Variants in ACTG2 observed in about 807,000 individuals in gnomAD.
The protein encoded by ACTG2 is actin gamma 2, smooth muscle, also known as actin, gamma-enteric smooth muscle.
A neutral mutation model predicts 37.6 loss-of-function variants in ACTG2; 16 were observed. The ratio of observed to expected loss-of-function variants is 0.43; its 90% CI spans 0.29 to 0.65. The LOEUF (loss-of-function observed/expected upper bound fraction) is 0.65. Among genes scored for constraint, ACTG2 ranks in the 30% least tolerant of loss-of-function variants. The pLI, the probability that ACTG2 is intolerant of heterozygous loss-of-function variation, is 0.18. For synonymous variants in ACTG2, 181 were observed against 179.9 expected (o/e 1.01, Z -0.05); for missense variants, 238 against 490.9 (o/e 0.48, Z 4.87).
intron 3 of ACTG2, among the ~76,000 whole-genome samples, chr2:73,907,203 C>T (rs900932585): frequency 2.0e-5 from 3 of 152,096 alleles, no homozygotes; most frequent in Non-Finnish European, 4.4e-5. Context: ...CTTTTTTAAA[C>T]GTCTCTCTCC....
chr2:73,898,802 C>CTT (rs1165118275), intron 1 of ACTG2, among the ~76,000 whole-genome samples: 39 of 93,040 alleles, frequency 4.2e-4, no homozygotes, highest in Non-Finnish European at 6.8e-4. Flanking sequence ...TTTTTTTTTT[C>CTT]TTTTTTTTTT....
Position 73,907,962 on chromosome 2 carries a change from GA to G in ACTG2, c.256-710del, listed in dbSNP as rs543165776. On this transcript the variant is annotated intron_variant, in intron 3 of 8. Coordinates refer to ENST00000345517, the MANE Select transcript of ACTG2 (RefSeq NM_001615.4). The stretch of plus-strand genomic sequence containing the variant: ...AGTGCCTCTGTCAGATTCTCAGCAG[GA>G]GATAGTGTACACTCAGCTGCGGTTT... 2.0e-4 allele frequency among the ~76,000 whole-genome samples: 31 copies of G among 152,336 alleles called. No homozygotes were observed. In the South Asian group the frequency reaches 6.0e-3, roughly 30 times the overall value.
chr2:73,902,549 G>A (rs994011733), intron 3 of ACTG2, 61 bp downstream of exon 3: 4 of 1,601,546 alleles, frequency 2.5e-6, no homozygotes, highest in South Asian at 1.1e-5. Context: ...CATGACCCTC[G>A]TATTCATAGG....
In ACTG2 at chr2:73,913,471, C is replaced by T. The variant is rs1398582736; in HGVS notation, c.452-14C>T. 6.3e-7 allele frequency: 1 copy of T among 1,578,246 alleles called. No homozygotes were observed. The highest frequency in any genetic ancestry group is 2.3e-5 in the East Asian group (1 of 43,814). On this transcript the variant is annotated splice_polypyrimidine_tract_variant and intron_variant, in intron 5 of 8. Transcript: ENST00000345517. ...GAATGAGAATTTTATAAGCCTGATC[C>T]TCTCTGTCCACAGGCATCGTCCTGG...
At chr2:73,906,001 C>G (rs1680007097) in intron 3 of ACTG2, among the ~76,000 whole-genome samples, 1 of 149,274 alleles carries the variant, frequency 6.7e-6, no homozygotes, top group Non-Finnish European at 1.5e-5. Context: ...CAAATTTGAA[C>G]ATAGTATAAT....
intron 1 of ACTG2, among the ~76,000 whole-genome samples, chr2:73,894,097 G>A (rs928233946): frequency 1.3e-5 from 2 of 152,150 alleles, no homozygotes; most frequent in African/African-American, 2.4e-5. Context: ...GTCAGGGCCC[G>A]GCCCTGAGTT....
In ACTG2 at chr2:73,901,263, C is replaced by T. The variant is rs767210199; in HGVS notation, c.-36-13C>T. On this transcript the variant is annotated splice_polypyrimidine_tract_variant and intron_variant, in intron 1 of 8. Coordinates refer to ENST00000345517, the MANE Select transcript of ACTG2 (RefSeq NM_001615.4). ...AAGTGGCTGACTAGTTCTCTTCTCC[C>T]GCAAATCCCAAGGTGCTCCAGTCCC... 1.3e-6 allele frequency: 2 copies of T among 1,503,852 alleles called. No individual in the cohort carries two copies. The highest frequency in any genetic ancestry group is 8.9e-7 in the Non-Finnish European group (1 of 1,120,140). 93.2% of individuals were successfully genotyped at this position (1,503,852 alleles called of 1,614,324 possible).
At chr2:73,904,777 GTA>G (rs199782884) in intron 3 of ACTG2, among the ~76,000 whole-genome samples, 1,174 of 42,240 alleles carry the variant, frequency 0.028, 9 homozygotes, top group East Asian at 0.045. Context: ...GTGTGTGTGT[GTA>G]TATATATATA....
At position 73,907,984 on chromosome 2, in the gene ACTG2, G is replaced by T. The variant is rs62150735; in HGVS notation, c.256-689G>T. Reference sequence around the variant, plus strand: ...CAGGAGATAGTGTACACTCAGCTGCGGTTTTGAAATTGTTTGACAGTGTAT... The same window carrying T: ...CAGGAGATAGTGTACACTCAGCTGCTGTTTTGAAATTGTTTGACAGTGTAT... On this transcript the variant is annotated intron_variant, in intron 3 of 8. Coordinates refer to ENST00000345517, the MANE Select transcript of ACTG2 (RefSeq NM_001615.4). 7.9e-3 allele frequency among the ~76,000 whole-genome samples: 1,198 copies of T among 152,300 alleles called. 6 individuals are homozygous for T. The highest frequency in any genetic ancestry group is 0.013 in the Non-Finnish European group (894 of 68,026).
chr2:73,905,207 CAT>C (rs1286545222), intron 3 of ACTG2, among the ~76,000 whole-genome samples: 6 of 151,998 alleles, frequency 3.9e-5, no homozygotes, highest in Admixed American at 6.6e-5. Flanking sequence ...TCACCAAACA[CAT>C]GTCAATTAAA....
chr2:73,895,818 A>T (rs1679735202), intron 1 of ACTG2, among the ~76,000 whole-genome samples: 1 of 152,214 alleles, frequency 6.6e-6, no homozygotes, highest in Admixed American at 6.5e-5. Context: ...GACGACAGGG[A>T]TTGACGAAGC....
At chr2:73,898,068 G>A (rs1051763843) in intron 1 of ACTG2, among the ~76,000 whole-genome samples, 1 of 152,166 alleles carries the variant, frequency 6.6e-6, no homozygotes, top group Non-Finnish European at 1.5e-5. Flanking sequence ...CCTGGCACAG[G>A]AGGGACTCCA....
chr2:73,906,157 TA>T (rs912490437), intron 3 of ACTG2, among the ~76,000 whole-genome samples: 21 of 151,890 alleles, frequency 1.4e-4, no homozygotes, highest in African/African-American at 5.1e-4. Flanking sequence ...TTTATTCCAT[TA>T]AAAAAAATTT....
At chr2:73,906,942 G>A (rs1020852222) in intron 3 of ACTG2, among the ~76,000 whole-genome samples, 1 of 152,160 alleles carries the variant, frequency 6.6e-6, no homozygotes, top group Non-Finnish European at 1.5e-5. Context: ...ACAGGGCCTT[G>A]AGGAAGCACA....
intron 1 of ACTG2, among the ~76,000 whole-genome samples, chr2:73,899,980 T>C (rs1364978463): frequency 2.0e-5 from 3 of 152,182 alleles, no homozygotes; most frequent in Non-Finnish European, 4.4e-5. Flanking sequence ...CTACCTAGCC[T>C]TCAGACCTCG....
chr2:73,912,188 C>A (rs555557139), intron 5 of ACTG2, among the ~76,000 whole-genome samples: 3 of 152,158 alleles, frequency 2.0e-5, no homozygotes, highest in Non-Finnish European at 4.4e-5. Context: ...GATGCAGTTT[C>A]GCTCTGTTGC....
chr2:73,907,796 T>A (rs1382942417), intron 3 of ACTG2, among the ~76,000 whole-genome samples: 1 of 152,174 alleles, frequency 6.6e-6, no homozygotes, highest in Non-Finnish European at 1.5e-5. Flanking sequence ...GCTGCTAGCA[T>A]CCAGTGGGTG....
rs1679871544 is a variant in ACTG2, at chr2:73,901,455, TACCACCAGGCTTTGA to T, written c.126+19_126+33del. On this transcript the variant is annotated intron_variant, in intron 2 of 8. Transcript: ENST00000345517. ...GCCACCAGGTGCGTGCTCATCTGGA[TACCACCAGGCTTTGA>T]GCCACTAGGAGTAAGCGCTGCACTG... 1.9e-6 allele frequency: 3 copies of T among 1,613,472 alleles called. No homozygotes were observed. The highest frequency in any genetic ancestry group is 2.2e-5 in the East Asian group (1 of 44,870).
Position 73,909,255 on chromosome 2 carries a change from A to C in ACTG2, c.451+116A>C. 3 of 908,076 alleles carry C rather than the reference A, an allele frequency of 3.3e-6. No individual in the cohort carries two copies. The Admixed American group carries it at 6.3e-5, about 19-fold the overall frequency. The allele number at this position is 908,076 out of a possible 1,614,324, so 56.3% of individuals were successfully genotyped here. On this transcript the variant is annotated intron_variant, in intron 5 of 8. Transcript: ENST00000345517. Reference sequence around the variant, plus strand: ...AATGGACAGCTGAAGTCCAGGCAAAATCTTTCTTAGGGATAATAGGTGAGA... The same window carrying C: ...AATGGACAGCTGAAGTCCAGGCAAACTCTTTCTTAGGGATAATAGGTGAGA...
Sources: allele counts gnomAD v4.1 joint callset (sites outside exome capture counted in the v4.1 genomes callset), GRCh38; gene constraint gnomAD v4.1.1; transcripts MANE v1.5; gene names NCBI Gene and HGNC (gene_info 2026-07-23, HGNC 2026-07-21).